Variants in LPCAT3 observed in about 807,000 individuals in gnomAD.
The protein encoded by LPCAT3 is lysophospholipid acyltransferase 5.
In LPCAT3, 21 loss-of-function variants were observed where a neutral mutation model predicts 63.4. The observed-to-expected ratio is 0.33, with a 90% CI of 0.23 to 0.48. The LOEUF (loss-of-function observed/expected upper bound fraction) is 0.48. Ranked by LOEUF, LPCAT3 falls within the 20% of genes least tolerant of loss-of-function variation. LPCAT3 has a pLI of 0.99. For synonymous variants in LPCAT3, 242 were observed against 227.5 expected (o/e 1.06, Z -0.58); for missense variants, 451 against 590.6 (o/e 0.76, Z 2.45).
chr12:6,998,494 T>C (rs1050266295), intron 1 of LPCAT3, among the ~76,000 whole-genome samples: 1 of 152,198 alleles, frequency 6.6e-6, no homozygotes, highest in Non-Finnish European at 1.5e-5. Context: ...TTAGAGAACT[T>C]ACAGAGAAAA....
intron 1 of LPCAT3, among the ~76,000 whole-genome samples, chr12:7,015,916 G>C (rs1471416406): frequency 5.9e-5 from 9 of 152,180 alleles, no homozygotes; most frequent in African/African-American, 1.9e-4. Flanking sequence ...CAGGCAATAT[G>C]TGATTATGTC....
intron 6 of LPCAT3, chr12:6,980,683 G>A (rs1591546508): frequency 5.7e-6 from 1 of 174,576 alleles, no homozygotes; most frequent in Non-Finnish European, 1.2e-5. Flanking sequence ...CTATCAACCT[G>A]CCTACCTACC....
intron 7 of LPCAT3, 159 bp from the exon 8 acceptor site, chr12:6,978,848 CAG>C (rs1555153676): frequency 6.0e-6 from 6 of 994,404 alleles, no homozygotes; most frequent in Admixed American, 2.8e-5. Context: ...TCACAATAGG[CAG>C]AGAGGAATAA....
chr12:6,978,227 G>T, intron 9 of LPCAT3, 114 bp downstream of exon 9: 2 of 1,263,788 alleles, frequency 1.6e-6, no homozygotes, highest in East Asian at 2.4e-5. Flanking sequence ...GCGACAGGGG[G>T]TTCTGCCCAG....
chr12:7,011,236 A>G (rs1342737759), intron 1 of LPCAT3, among the ~76,000 whole-genome samples: 2 of 152,034 alleles, frequency 1.3e-5, no homozygotes, highest in East Asian at 3.9e-4. Context: ...AGGTATCACT[A>G]TGTTGCCCAG....
Position 7,018,311 on chromosome 12 carries a change from T to G in LPCAT3, c.114A>C (p.Ser38=). The change falls in exon 1 of 13, where the codon TCA becomes TCC. Residue 38 remains serine, a synonymous_variant. Coordinates refer to ENST00000261407, the MANE Select transcript of LPCAT3 (RefSeq NM_005768.6). The surrounding 1 kb of genome is among the most constrained non-coding windows in gnomAD (Gnocchi z 4.9). ...AGATGATCAGCCGCAGCGCCTGTTC[T>G]GACGCGCCCAGGGACGTCGCCAACT... ...LNKLATSLGA[S]EQALRLIISI... is the part of the protein sequence containing the mutation. The G allele has an allele frequency of 6.2e-7, 1 of 1,608,964 alleles. No homozygotes were observed.
chr12:6,985,470 T>C (rs1446766169), intron 1 of LPCAT3, among the ~76,000 whole-genome samples: 7 of 151,732 alleles, frequency 4.6e-5, no homozygotes, highest in Non-Finnish European at 1.0e-4. Flanking sequence ...CCAAGGCACT[T>C]TGGGAGGCTG....
At position 6,978,441 on chromosome 12, in the gene LPCAT3, C is replaced by T. The variant is rs782379160; in HGVS notation, c.940G>A (p.Asp314Asn). The change falls in exon 9 of 13, where the codon GAT becomes AAT. Residue 314 changes from aspartate to asparagine, a missense_variant. Asp to Asn is a conservative substitution (Grantham distance 23, BLOSUM62 1). This residue lies in a region of LPCAT3 where 304 missense variants were observed against 390.8 expected (regional missense o/e 0.78). Transcript: ENST00000261407. The stretch of plus-strand genomic sequence containing the variant: ...CACACCTTCATGTTGGCACAGGCAT[C>T]CCACTTTGCCTTGCCCTTTTCTTCA... ...GFEEKGKAKWDACANMKVWLF... is the reference protein window; with the variant it reads ...GFEEKGKAKWNACANMKVWLF... 18 of 1,614,056 alleles carry T rather than the reference C, an allele frequency of 1.1e-5. No individual in the cohort carries two copies. In the East Asian group the frequency reaches 3.8e-4, roughly 34 times the overall value.
chr12:6,996,281 C>T (rs1332689183), intron 1 of LPCAT3, among the ~76,000 whole-genome samples: 1 of 152,246 alleles, frequency 6.6e-6, no homozygotes, highest in Non-Finnish European at 1.5e-5. Context: ...ATCCTTCCTA[C>T]ACCTCAGGTC....
chr12:6,979,277 C>T, intron 7 of LPCAT3, 194 bp downstream of exon 7: 1 of 594,486 alleles, frequency 1.7e-6, no homozygotes, highest in Non-Finnish European at 3.0e-6. Flanking sequence ...AGCCCTGTGC[C>T]CGCGAAGGTT....
At chr12:6,986,959 C>CA (rs1555154894) in intron 1 of LPCAT3, among the ~76,000 whole-genome samples, 1 of 151,826 alleles carries the variant, frequency 6.6e-6, no homozygotes, top group African/African-American at 2.4e-5. Context: ...ACTAAAAATA[C>CA]AAAAATTAGT....
At position 6,977,537 on chromosome 12, in the gene LPCAT3, G is replaced by A. The variant is rs1789690324; in HGVS notation, c.1189-12C>T. The A allele has an allele frequency of 3.7e-6, 6 of 1,614,126 alleles. No individual in the cohort carries two copies. Among genetic ancestry groups the A allele is most frequent in the African/African-American group, 2.7e-5 (2 of 75,026 alleles). ...ATGAGCCTGGCAGCCTGGGGAGGGA[G>A]GAGGAGCTCATCAGCATCTTGTCCC... is the stretch of plus-strand genomic sequence containing the variant. On this transcript the variant is annotated splice_polypyrimidine_tract_variant and intron_variant, in intron 10 of 12. Transcript: ENST00000261407. The surrounding 1 kb of genome is among the most constrained non-coding windows in gnomAD (Gnocchi z 4.5).
Position 7,018,416 on chromosome 12 carries a change from G to T in LPCAT3, c.9C>A (p.Ser3=). The change falls in exon 1 of 13, where the codon TCC becomes TCA. Residue 3 remains serine, a synonymous_variant. Transcript: ENST00000261407. This position sits in a 1 kb window ranked among gnomAD's most constrained non-coding sequence, Gnocchi z 4.9. MA[S]SAEGDEGTVV... is the part of the protein sequence containing the mutation. ...CAGTCCCCTCGTCCCCCTCCGCTGAGGACGCCATCTTAACTCCGGGAGCCC... is the reference window on the plus strand; with the variant it reads ...CAGTCCCCTCGTCCCCCTCCGCTGATGACGCCATCTTAACTCCGGGAGCCC... 1.2e-6 allele frequency: 2 copies of T among 1,605,850 alleles called. No individual in the cohort carries two copies. Among genetic ancestry groups the T allele is most frequent in the Non-Finnish European group, 1.7e-6 (2 of 1,175,576 alleles).
intron 1 of LPCAT3, among the ~76,000 whole-genome samples, chr12:7,004,967 C>T (rs73264656): frequency 0.067 from 10,225 of 152,086 alleles, 440 homozygotes; most frequent in African/African-American, 0.098. Flanking sequence ...TTTAAGTGTA[C>T]AATTCAGTGG....
chr12:6,994,122 C>G (rs1946613915), intron 1 of LPCAT3, among the ~76,000 whole-genome samples: 1 of 152,138 alleles, frequency 6.6e-6, no homozygotes, highest in Admixed American at 6.5e-5. Flanking sequence ...CAGGTATGAG[C>G]CCATGTACAA....
At chr12:6,979,669 G>T in intron 6 of LPCAT3, 90 bp from the exon 7 acceptor site, 1 of 883,634 alleles carries the variant, frequency 1.1e-6, no homozygotes, top group East Asian at 2.5e-5. Context: ...GGAGTGTTTA[G>T]GGGTGTGGTT....
rs1184727926 is a variant in LPCAT3 at position 7,017,645 on chromosome 12, A to AGGTT, written c.151+625_151+628dup. ...GGAATAGTATGGATCGATTTTAAGG[A>AGGTT]GGTTGTTAGTCCTGTTTCCCAAGTC... On this transcript the variant is annotated intron_variant, in intron 1 of 12. Coordinates refer to ENST00000261407, the MANE Select transcript of LPCAT3 (RefSeq NM_005768.6). This position sits in a 1 kb window ranked among gnomAD's most constrained non-coding sequence, Gnocchi z 4.1. Among the ~76,000 whole-genome samples, 2 of 152,120 alleles carry AGGTT rather than the reference A, an allele frequency of 1.3e-5. No individual in the cohort carries two copies. The highest frequency in any genetic ancestry group is 2.9e-5 in the Non-Finnish European group (2 of 68,024).
At chr12:7,007,615 C>G (rs1210758615) in intron 1 of LPCAT3, among the ~76,000 whole-genome samples, 1 of 151,488 alleles carries the variant, frequency 6.6e-6, no homozygotes, top group Non-Finnish European at 1.5e-5. Context: ...CTGCCTCAGC[C>G]TCCCGAGTAG....
chr12:7,016,940 T>A (rs1479637509), intron 1 of LPCAT3, among the ~76,000 whole-genome samples: 1 of 152,210 alleles, frequency 6.6e-6, no homozygotes, highest in Non-Finnish European at 1.5e-5. Flanking sequence ...TGGTTTGATA[T>A]GTAATAGGAA....
Sources: allele counts gnomAD v4.1 joint callset (sites outside exome capture counted in the v4.1 genomes callset), GRCh38; gene constraint gnomAD v4.1.1; regional missense constraint gnomAD v4.1.1; non-coding constraint Gnocchi (gnomAD v3.1); transcripts MANE v1.5; gene names NCBI Gene and HGNC (gene_info 2026-07-23, HGNC 2026-07-21).